The following EVX1 variants were observed in gnomAD, a reference collection of about 807,000 sequenced individuals.
EVX1 encodes the protein homeobox even-skipped homolog protein 1.
In EVX1, 19 loss-of-function variants were observed where a neutral mutation model predicts 28.6. The observed-to-expected ratio is 0.67, with a 90% CI of 0.46 to 0.98. The LOEUF (loss-of-function observed/expected upper bound fraction) is 0.98. Among genes scored for constraint, EVX1 ranks in the 50% least tolerant of loss-of-function variants. EVX1 has a pLI of 0.00. For missense variants in EVX1, 660 were observed against 583.0 expected (o/e 1.13, Z -1.36); for synonymous variants, 324 against 278.2 (o/e 1.16, Z -1.64).
chr7:27,246,278 G>A lies in EVX1; in HGVS notation c.1077G>A (p.Gly359=). 1 of 1,575,062 alleles carries A rather than the reference G, an allele frequency of 6.3e-7. No individual in the cohort carries two copies. The highest frequency in any genetic ancestry group is 8.6e-7 in the Non-Finnish European group (1 of 1,168,144). The change falls in exon 3 of 3, where the codon GGG becomes GGA. Residue 359 remains glycine, a synonymous_variant. Transcript: ENST00000496902. ...CCTGTCACAGCGGCCCGGCCAACGGGCTGGCGCCCCGGGCTGCCGCCGCCT... is the reference window on the plus strand; with the variant it reads ...CCTGTCACAGCGGCCCGGCCAACGGACTGGCGCCCCGGGCTGCCGCCGCCT... The part of the protein sequence containing the change: ...CLACHSGPAN[G]LAPRAAAASD...
At position 27,243,288 on chromosome 7, in the gene EVX1, A is replaced by G. The variant is rs758083639; in HGVS notation, c.258A>G (p.Val86=). ...CGGGGCCGGGCGCCGAGCCCCAGGT[A>G]GCTGGGGCGGCCATGCTCGGCCCAG... ...SAAGPGAEPQ[V]AGAAMLGPGP... Residue 86 remains valine, a synonymous_variant, in exon 1 of 3, where the codon GTA becomes GTG. Coordinates refer to ENST00000496902, the MANE Select transcript of EVX1 (RefSeq NM_001989.5). 5 of 1,553,772 alleles carry G rather than the reference A, an allele frequency of 3.2e-6. No homozygotes were observed. In the Admixed American group the frequency reaches 9.8e-5, roughly 31 times the overall value.
intron 1 of EVX1, chr7:27,244,584 A>T: frequency 1.4e-6 from 1 of 736,526 alleles, no homozygotes. Flanking sequence ...CCTAGTACAC[A>T]TTCCCACACC....
rs1444751704 is a variant in EVX1, at chr7:27,243,208, C to T, written c.178C>T (p.Arg60Cys). 6.4e-7 allele frequency: 1 copy of T among 1,555,936 alleles called. No individual in the cohort carries two copies. Among genetic ancestry groups the T allele is most frequent in the African/African-American group, 1.4e-5 (1 of 73,428 alleles). The change falls in exon 1 of 3, where the codon CGC becomes TGC. Residue 60 changes from arginine (R) to cysteine (C), a missense_variant. Physicochemically the swap from Arg to Cys is radical, Grantham distance 180. Coordinates refer to ENST00000496902, the MANE Select transcript of EVX1 (RefSeq NM_001989.5). ...GGCCGTCCCTCCGGCCACCCGGGAG[C>T]GCGGCGGGGGAGGCCCGGAGGAGGA... The part of the protein sequence containing the change: ...PRAVPPATRE[R>C]GGGGPEEEPV...
In EVX1 at chr7:27,243,319, C is replaced by T. The variant is rs772291612; in HGVS notation, c.289C>T (p.Pro97Ser). 29 of 1,582,966 alleles carry T rather than the reference C, an allele frequency of 1.8e-5. No individual in the cohort carries two copies. In the South Asian group the frequency reaches 3.1e-4, roughly 17 times the overall value. The change falls in exon 1 of 3, where the codon CCG becomes TCG. Residue 97 changes from proline (P) to serine (S), a missense_variant. Pro to Ser is a moderately conservative substitution (Grantham distance 74). This residue lies in a region of EVX1 where 308 missense variants were observed against 256.6 expected (regional missense o/e 1.20). Coordinates refer to ENST00000496902, the MANE Select transcript of EVX1 (RefSeq NM_001989.5). ...GGCGGCCATGCTCGGCCCAGGACCCCCGGCCCCCTCAGTCGACAGCCTCTC... is the reference window on the plus strand; with the variant it reads ...GGCGGCCATGCTCGGCCCAGGACCCTCGGCCCCCTCAGTCGACAGCCTCTC... Reference protein sequence around the residue: ...AGAAMLGPGPPAPSVDSLSGQ... With the variant: ...AGAAMLGPGPSAPSVDSLSGQ...
intron 2 of EVX1, 114 bp downstream of exon 2, chr7:27,245,418 C>T (rs1261095802): frequency 3.5e-5 from 51 of 1,454,524 alleles, no homozygotes; most frequent in Non-Finnish European, 4.5e-5. Context: ...GTCTCCCTGC[C>T]CGGCGCGTGC....
intron 1 of EVX1, 157 bp downstream of exon 1, chr7:27,243,614 T>G: frequency 1.3e-6 from 1 of 790,460 alleles, no homozygotes; most frequent in Non-Finnish European, 1.9e-6. Flanking sequence ...GGCGGGGGTC[T>G]CCTACTGTGT....
Position 27,246,554 on chromosome 7 carries a change from G to C in EVX1, c.*129G>C, listed in dbSNP as rs1783198458. 2 of 985,750 alleles carry C rather than the reference G, an allele frequency of 2.0e-6. No individual in the cohort carries two copies. The highest frequency in any genetic ancestry group is 2.9e-6 in the Non-Finnish European group (2 of 686,428). 61.1% of individuals were successfully genotyped at this position (985,750 alleles called of 1,614,324 possible). On this transcript the variant is annotated 3_prime_UTR_variant, in exon 3 of 3. Coordinates refer to ENST00000496902, the MANE Select transcript of EVX1 (RefSeq NM_001989.5). ...ACGCCAAGGGGGAAAGGAGAGGGCG[G>C]AAAAGGACCAGCGGGATCCGGCCGC... is the stretch of plus-strand genomic sequence containing the variant.
At chr7:27,244,366 T>TGGGGGG (rs1261517377) in intron 1 of EVX1, 1 of 307,006 alleles carries the variant, frequency 3.3e-6, no homozygotes, top group African/African-American at 3.4e-5. Flanking sequence ...GGAAAGAGCC[T>TGGGGGG]GGGGGCGGGG....
rs866676689 is a variant in EVX1, at chr7:27,242,917, C to T, written c.-114C>T. The T allele has an allele frequency of 9.8e-6, 12 of 1,220,654 alleles. No homozygotes were observed. In the African/African-American group the frequency reaches 1.1e-4, roughly 11 times the overall value. The allele number at this position is 1,220,654 out of a possible 1,614,324, so 75.6% of individuals were successfully genotyped here. A position where few individuals can be genotyped will look rare whatever the true frequency, so the allele number is the denominator to read the frequency against. On this transcript the variant is annotated 5_prime_UTR_variant, in exon 1 of 3. Coordinates refer to ENST00000496902, the MANE Select transcript of EVX1 (RefSeq NM_001989.5). ...AGCAGCTCCGCGCCCTCCCAGGCAC[C>T]CGGCCTTTCTTTCTCCCTCTTGCAA...
chr7:27,243,515 G>T, intron 1 of EVX1, 58 bp downstream of exon 1: 1 of 1,515,752 alleles, frequency 6.6e-7, no homozygotes, highest in Non-Finnish European at 8.8e-7. Flanking sequence ...CTTCACTTCG[G>T]CGCAGGCCAG....
At chr7:27,244,909 C>T in intron 1 of EVX1, 139 bp from the exon 2 acceptor site, 3 of 1,357,942 alleles carry the variant, frequency 2.2e-6, no homozygotes, top group Non-Finnish European at 3.0e-6. Context: ...GCCGCAGTAC[C>T]CTAGCAGAAA....
rs771026128 is a variant in EVX1 at position 27,246,137 on chromosome 7, G to A, written c.936G>A (p.Val312=). Residue 312 remains valine (V), a synonymous_variant, in exon 3 of 3, where the codon GTG becomes GTA. Coordinates refer to ENST00000496902, the MANE Select transcript of EVX1 (RefSeq NM_001989.5). The stretch of plus-strand genomic sequence containing the variant: ...TGCGCCCGCTCGACACGTTCCGCGT[G>A]CTGTCGCAGCCCTACCCGCGGCCCG... The part of the protein sequence containing the change: ...GSLRPLDTFR[V]LSQPYPRPEL... The A allele has an allele frequency of 7.3e-5, 112 of 1,528,412 alleles. No individual in the cohort carries two copies. Among genetic ancestry groups the A allele is most frequent in the Non-Finnish European group, 9.2e-5 (105 of 1,147,240 alleles). 94.7% of individuals were successfully genotyped at this position (1,528,412 alleles called of 1,614,324 possible).
intron 1 of EVX1, chr7:27,244,376 G>A (rs1783112926): frequency 2.5e-6 from 1 of 397,722 alleles, no homozygotes; most frequent in East Asian, 1.6e-4. Flanking sequence ...TGGGGGCGGG[G>A]GGGAGAAAGA....
rs761750320 is a variant in EVX1 at position 27,246,035 on chromosome 7, C to T, written c.834C>T (p.Pro278=). Residue 278 remains proline (P), a synonymous_variant, in exon 3 of 3, where the codon CCC becomes CCT. Transcript: ENST00000496902. The part of the protein sequence containing the change: ...GLPYPFPSHL[P]LPYYSPVGLG... ...CCTACCCCTTCCCATCGCACCTGCC[C>T]CTGCCCTACTACTCGCCGGTGGGCC... is the stretch of plus-strand genomic sequence containing the variant. The T allele has an allele frequency of 1.9e-6, 3 of 1,595,464 alleles. No individual in the cohort carries two copies. The highest frequency in any genetic ancestry group is 2.7e-5 in the African/African-American group (2 of 74,438).
rs1783062669 is a variant in EVX1, at chr7:27,242,983, T to G, written c.-48T>G. 2 of 1,458,574 alleles carry G rather than the reference T, an allele frequency of 1.4e-6. No homozygotes were observed. Among genetic ancestry groups the G allele is most frequent in the African/African-American group, 2.9e-5 (2 of 68,400 alleles). 90.4% of individuals were successfully genotyped at this position (1,458,574 alleles called of 1,614,324 possible). ...CCGCTGGAGACCCAGGGAGCCGGGG[T>G]TAGGAACTCACTTGGGGCTTTCCCC... On this transcript the variant is annotated 5_prime_UTR_variant, in exon 1 of 3. Transcript: ENST00000496902.
chr7:27,245,018 A>G, intron 1 of EVX1, 30 bp from the exon 2 acceptor site: 1 of 1,599,448 alleles, frequency 6.3e-7, no homozygotes, highest in Non-Finnish European at 8.5e-7. Flanking sequence ...CTGTGTCTGT[A>G]CACGCCTGTG....
chr7:27,244,194 C>T (rs1327795872), intron 1 of EVX1, among the ~76,000 whole-genome samples: 5 of 152,200 alleles, frequency 3.3e-5, no homozygotes, highest in Non-Finnish European at 7.3e-5. Flanking sequence ...CCCCTCCCCA[C>T]CAAAGGCTAA....
Position 27,243,315 on chromosome 7 carries a change from AC to A in EVX1, c.290del (p.Pro97ArgfsTer29). ...CTGGGGCGGCCATGCTCGGCCCAGGACCCCCGGCCCCCTCAGTCGACAGCCT... is the reference window on the plus strand; with the variant it reads ...CTGGGGCGGCCATGCTCGGCCCAGGACCCCGGCCCCCTCAGTCGACAGCCT... The part of the protein sequence containing the change: ...VAGAAMLGPG[P>X]PAPSVDSLSG... On this transcript the variant is annotated frameshift_variant, in exon 1 of 3. Coordinates refer to ENST00000496902, the MANE Select transcript of EVX1 (RefSeq NM_001989.5). LOFTEE classifies it high-confidence loss of function. 1 of 1,578,594 alleles carries A rather than the reference AC, an allele frequency of 6.3e-7. No individual in the cohort carries two copies. Among genetic ancestry groups the A allele is most frequent in the Non-Finnish European group, 8.6e-7 (1 of 1,164,040 alleles).
At position 27,246,606 on chromosome 7, in the gene EVX1, G is replaced by C. The variant is rs547755599; in HGVS notation, c.*181G>C. 1.4e-4 allele frequency: 94 copies of C among 661,468 alleles called. No individual in the cohort carries two copies. In the East Asian group the frequency reaches 2.8e-3, roughly 19 times the overall value. 41.0% of individuals were successfully genotyped at this position (661,468 alleles called of 1,614,324 possible). On this transcript the variant is annotated 3_prime_UTR_variant, in exon 3 of 3. Transcript: ENST00000496902. ...AGAATTGGAAAGCCTAGGAAGTGGC[G>C]GTGGCTGGCGCGTTTGGGGAGCAGG... is the stretch of plus-strand genomic sequence containing the variant.
Sources: gnomAD v4.1 joint callset for allele counts (sites outside exome capture counted in the v4.1 genomes callset) on GRCh38, gnomAD v4.1.1 for gene constraint, gnomAD v4.1.1 regional missense constraint, MANE v1.5 for transcripts, NCBI Gene and HGNC (gene_info 2026-07-23, HGNC 2026-07-21) for gene names.